DOCK2: variants seen among roughly 807,000 people sequenced by gnomAD.
The protein encoded by DOCK2 is dedicator of cytokinesis protein 2.
Under a neutral mutation model 248.9 loss-of-function variants are expected in DOCK2, and 87 were observed. The ratio of observed to expected loss-of-function variants is 0.35; its 90% confidence interval spans 0.29 to 0.42. DOCK2 has a LOEUF of 0.42. Among genes scored for constraint, DOCK2 ranks in the 10% least tolerant of loss-of-function variants. The probability of loss-of-function intolerance (pLI) is 1.00; values close to 1 mark genes in which losing one functional copy is unlikely to be tolerated. For synonymous variants in DOCK2, 805 were observed against 821.6 expected (o/e 0.98, Z 0.35); for missense variants, 1,747 against 2,300.2 (o/e 0.76, Z 4.92).
intron 47 of DOCK2, 150 bp from the exon 48 acceptor site, chr5:170,077,560 C>T: frequency 9.0e-7 from 1 of 1,113,352 alleles, no homozygotes; most frequent in South Asian, 1.5e-5. Flanking sequence ...TACAAGAACG[C>T]CCTAGCCTCA....
At chr5:169,996,890 C>T (rs924074470) in intron 30 of DOCK2, among the ~76,000 whole-genome samples, 1 of 152,140 alleles carries the variant, frequency 6.6e-6, no homozygotes, top group African/African-American at 2.4e-5. Context: ...GGGTGGGATG[C>T]CCCTCCACAC....
intron 27 of DOCK2, among the ~76,000 whole-genome samples, chr5:169,946,424 C>G (rs1187590416): frequency 1.3e-5 from 2 of 152,168 alleles, no homozygotes; most frequent in African/African-American, 4.8e-5. Context: ...GTGTTCTTAG[C>G]TGGTTTTCAT....
intron 27 of DOCK2, among the ~76,000 whole-genome samples, chr5:169,913,865 G>A (rs1774737793): frequency 6.6e-6 from 1 of 150,794 alleles, no homozygotes; most frequent in Non-Finnish European, 1.5e-5. Flanking sequence ...TACTGAGCAA[G>A]AAGCTTAGAG....
chr5:170,052,175 C>A (rs536130979), intron 41 of DOCK2, among the ~76,000 whole-genome samples: 6 of 152,338 alleles, frequency 3.9e-5, no homozygotes, highest in African/African-American at 1.4e-4. Flanking sequence ...TCCAAATATT[C>A]TTCTCTCCGG....
At chr5:169,812,442 G>C (rs1348509496) in intron 26 of DOCK2, among the ~76,000 whole-genome samples, 6 of 152,134 alleles carry the variant, frequency 3.9e-5, no homozygotes, top group Non-Finnish European at 8.8e-5. Flanking sequence ...TGTATTACAA[G>C]GTAATATAAT....
chr5:169,715,507 A>C (rs1174331635), intron 19 of DOCK2, among the ~76,000 whole-genome samples: 1 of 152,092 alleles, frequency 6.6e-6, no homozygotes, highest in Non-Finnish European at 1.5e-5. Flanking sequence ...CCAAGACACC[A>C]CTTTAATAAA....
At chr5:170,075,730 A>C in intron 46 of DOCK2, 1 of 552,906 alleles carries the variant, frequency 1.8e-6, no homozygotes, top group Non-Finnish European at 3.2e-6. Flanking sequence ...AGGCAAGGGA[A>C]GCTGGGGGTC....
chr5:170,031,568 C>T lies in DOCK2; in HGVS notation c.3468-2831C>T, dbSNP rs557205035. Among the ~76,000 whole-genome samples the T allele has an allele frequency of 4.6e-5, 7 of 152,250 alleles. No homozygotes were observed. The South Asian group carries it at 1.0e-3, about 23-fold the overall frequency. On this transcript the variant is annotated intron_variant, in intron 34 of 51. Transcript: ENST00000520908. ...TAAACAATTAAACAGGCTTAGCATG[C>T]GGTCTGGAACACAGGAAGTACTCAA...
chr5:169,762,831 C>T (rs2113744063), intron 25 of DOCK2, among the ~76,000 whole-genome samples: 1 of 152,324 alleles, frequency 6.6e-6, no homozygotes, highest in African/African-American at 2.4e-5. Flanking sequence ...AGAGGATCAG[C>T]CATCACCCAA....
chr5:169,903,034 G>C (rs1015213971), intron 27 of DOCK2, among the ~76,000 whole-genome samples: 21 of 152,042 alleles, frequency 1.4e-4, no homozygotes, highest in South Asian at 1.0e-3. Context: ...GGAGGTGGAG[G>C]TTGCAGTGAG....
At chr5:170,019,250 G>A in intron 33 of DOCK2, 142 bp downstream of exon 33, 3 of 1,288,942 alleles carry the variant, frequency 2.3e-6, no homozygotes, top group Non-Finnish European at 3.2e-6. Flanking sequence ...GGTCCGGAAT[G>A]AGCTGGCAGA....
chr5:169,795,909 C>T (rs904998970), intron 25 of DOCK2, among the ~76,000 whole-genome samples: 7 of 152,140 alleles, frequency 4.6e-5, no homozygotes, highest in African/African-American at 7.2e-5. Flanking sequence ...GCCAGTCCTC[C>T]GAGAGAGTTG....
At chr5:169,674,232 G>A (rs1759201546) in intron 5 of DOCK2, 65 bp from the exon 6 acceptor site, 2 of 1,578,356 alleles carry the variant, frequency 1.3e-6, no homozygotes, top group Admixed American at 1.7e-5. Context: ...CTTTGGCACA[G>A]CCTGCCAAAT....
At position 169,699,889 on chromosome 5, in the gene DOCK2, C is replaced by T. The variant is rs1022036048; in HGVS notation, c.1133-125C>T. On this transcript the variant is annotated intron_variant, in intron 12 of 51. Coordinates refer to ENST00000520908, the MANE Select transcript of DOCK2 (RefSeq NM_004946.3). Reference sequence around the variant, plus strand: ...AGAGGCCCTGTGGGCTGGGTGGCTGCATCTGTGGCTGTATGACTCTGTTCC... The same window carrying T: ...AGAGGCCCTGTGGGCTGGGTGGCTGTATCTGTGGCTGTATGACTCTGTTCC... The T allele has an allele frequency of 1.0e-5, 14 of 1,386,786 alleles. No individual in the cohort carries two copies. The Admixed American group carries it at 2.8e-4, about 28-fold the overall frequency. The allele number at this position is 1,386,786 out of a possible 1,614,324, so 85.9% of individuals were successfully genotyped here.
At chr5:169,871,653 A>T (rs1771981689) in intron 27 of DOCK2, among the ~76,000 whole-genome samples, 1 of 152,194 alleles carries the variant, frequency 6.6e-6, no homozygotes, top group Non-Finnish European at 1.5e-5. Flanking sequence ...GACTGAAATA[A>T]CATAGTAATC....
intron 26 of DOCK2, among the ~76,000 whole-genome samples, chr5:169,821,958 A>G (rs564446080): frequency 2.6e-5 from 4 of 152,258 alleles, no homozygotes; most frequent in South Asian, 4.1e-4. Context: ...AAAAAGGCAG[A>G]GGTTGCAATC....
chr5:169,886,416 G>A (rs1772974298), intron 27 of DOCK2, among the ~76,000 whole-genome samples: 1 of 152,170 alleles, frequency 6.6e-6, no homozygotes, highest in Non-Finnish European at 1.5e-5. Flanking sequence ...TTAGGTCTGG[G>A]AGAATCCCAG....
At chr5:169,661,154 T>C (rs1198075604) in intron 2 of DOCK2, among the ~76,000 whole-genome samples, 1 of 152,146 alleles carries the variant, frequency 6.6e-6, no homozygotes, top group African/African-American at 2.4e-5. Context: ...TAAGACACTA[T>C]TATTATTCCC....
At chr5:169,792,378 T>C (rs1766391675) in intron 25 of DOCK2, among the ~76,000 whole-genome samples, 1 of 151,364 alleles carries the variant, frequency 6.6e-6, no homozygotes, top group African/African-American at 2.4e-5. Context: ...ATATATTTTA[T>C]ATATGTATAC....
Sources: allele counts gnomAD v4.1 joint callset (sites outside exome capture counted in the v4.1 genomes callset), GRCh38; gene constraint gnomAD v4.1.1; transcripts MANE v1.5; gene names NCBI Gene and HGNC (gene_info 2026-07-23, HGNC 2026-07-21).